Variants in CHST8 observed in about 807,000 individuals in gnomAD.
The protein encoded by CHST8 is carbohydrate sulfotransferase 8, also known as GALNAC-4-ST1.
In CHST8, 10 loss-of-function variants were observed where a neutral mutation model predicts 15.0. The observed-to-expected ratio is 0.67, with a 90% CI of 0.41 to 1.13. The LOEUF (loss-of-function observed/expected upper bound fraction) is 1.13. CHST8 is among the 50% of genes most tolerant of loss of function. The probability of loss-of-function intolerance (pLI) is 0.00; values close to 1 mark genes in which losing one functional copy is unlikely to be tolerated. For missense variants in CHST8, 634 were observed against 608.2 expected, an observed-to-expected ratio of 1.04 and a Z score of -0.45; for synonymous variants, 259 against 256.6, an observed-to-expected ratio of 1.01 and a Z score of -0.09.
At chr19:33,755,747 C>A (rs542820963) in intron 3 of CHST8, among the ~76,000 whole-genome samples, 1 of 152,202 alleles carries the variant, frequency 6.6e-6, no homozygotes, top group Non-Finnish European at 1.5e-5. Flanking sequence ...CTCTTCGTCC[C>A]GAGAGCAGCT....
At position 33,757,477 on chromosome 19, in the gene CHST8, AG is replaced by A. The variant is rs1974595259; in HGVS notation, c.131-13935del. On this transcript the variant is annotated intron_variant, in intron 3 of 4. Transcript: ENST00000650847. ...AAGAAAGAAAGAAAGAAAGAAAGAA[AG>A]AAAGAAAGAAAGAAAGAAAGAAAGA... Among the ~76,000 whole-genome samples, 2 of 49,214 alleles carry A rather than the reference AG, an allele frequency of 4.1e-5. 1 individual carries two copies. The highest frequency in any genetic ancestry group is 4.2e-4 in the Admixed American group (2 of 4,720). 32.3% of individuals were successfully genotyped at this position (49,214 alleles called of 152,430 possible). A position where few individuals can be genotyped will look rare whatever the true frequency, so the allele number is the denominator to read the frequency against.
At chr19:33,744,264 C>T (rs1400801634) in intron 3 of CHST8, 2 of 152,154 alleles carry the variant, frequency 1.3e-5, no homozygotes, top group Non-Finnish European at 2.9e-5. Flanking sequence ...GTGATTTAAC[C>T]GTAGTTATTG....
At chr19:33,768,316 T>C (rs1568363946) in intron 3 of CHST8, among the ~76,000 whole-genome samples, 1 of 152,198 alleles carries the variant, frequency 6.6e-6, no homozygotes, top group Non-Finnish European at 1.5e-5. Flanking sequence ...GGCTCGCACC[T>C]ATAATTCCAG....
intron 3 of CHST8, among the ~76,000 whole-genome samples, chr19:33,768,218 C>T (rs1364732956): frequency 6.6e-6 from 1 of 152,140 alleles, no homozygotes; most frequent in African/African-American, 2.4e-5. Flanking sequence ...AGTGGGGACA[C>T]TAGGTTCACG....
intron 1 of CHST8, among the ~76,000 whole-genome samples, chr19:33,657,419 C>A (rs960793624): frequency 6.6e-6 from 1 of 152,042 alleles, no homozygotes; most frequent in African/African-American, 2.4e-5. Context: ...CAGGCACACA[C>A]CACCACGCCT....
intron 2 of CHST8, among the ~76,000 whole-genome samples, chr19:33,683,529 C>T (rs1408406428): frequency 6.6e-6 from 1 of 152,180 alleles, no homozygotes; most frequent in African/African-American, 2.4e-5. Flanking sequence ...GATTGGGCTA[C>T]TCTTTGGACC....
At chr19:33,735,558 G>A (rs1974068734) in intron 3 of CHST8, among the ~76,000 whole-genome samples, 1 of 152,206 alleles carries the variant, frequency 6.6e-6, no homozygotes, top group South Asian at 2.1e-4. Flanking sequence ...CAGTCATGGT[G>A]GCTCACACCT....
rs1319927376 is a variant in CHST8 at position 33,672,182 on chromosome 19, ATTTCT to A, written c.-87+4348_-87+4352del. ...TGGAATCCTCTTCTCCATTGAAAGT[ATTTCT>A]TTTCTTTTTTTGTGTGTGTGTGTGG... is the stretch of plus-strand genomic sequence containing the variant. On this transcript the variant is annotated intron_variant, in intron 2 of 4. Coordinates refer to ENST00000650847, the MANE Select transcript of CHST8 (RefSeq NM_001127895.2). Among the ~76,000 whole-genome samples, 4 of 147,128 alleles carry A rather than the reference ATTTCT, an allele frequency of 2.7e-5. No individual in the cohort carries two copies. The East Asian group carries it at 7.7e-4, about 28-fold the overall frequency.
At chr19:33,653,109 A>G (rs73926571) in intron 1 of CHST8, among the ~76,000 whole-genome samples, 2,284 of 151,940 alleles carry the variant, frequency 0.015, 47 homozygotes, top group African/African-American at 0.052. Flanking sequence ...ATTGCATTCT[A>G]CTCTTTTTTG....
intron 1 of CHST8, among the ~76,000 whole-genome samples, chr19:33,657,794 C>T (rs1972531637): frequency 2.0e-5 from 3 of 152,182 alleles, no homozygotes; most frequent in Non-Finnish European, 2.9e-5. Context: ...TGGTCTCAAA[C>T]TCCTGGGCTC....
intron 2 of CHST8, among the ~76,000 whole-genome samples, chr19:33,688,891 T>C (rs1317095266): frequency 6.6e-6 from 1 of 151,712 alleles, no homozygotes; most frequent in East Asian, 1.9e-4. Context: ...GGCCTGGAGG[T>C]TCCCAACTGG....
chr19:33,739,136 GAA>G (rs1302337011), intron 3 of CHST8, among the ~76,000 whole-genome samples: 2 of 152,208 alleles, frequency 1.3e-5, no homozygotes, highest in African/African-American at 4.8e-5. Flanking sequence ...CACCTGCAGA[GAA>G]AGAGGAAAAT....
chr19:33,640,084 C>A (rs998630221), intron 1 of CHST8, among the ~76,000 whole-genome samples: 2 of 152,076 alleles, frequency 1.3e-5, no homozygotes, highest in East Asian at 3.9e-4. Flanking sequence ...CCTCGTGATC[C>A]GCCCACCTCG....
chr19:33,710,769 T>G (rs749701554), intron 3 of CHST8, among the ~76,000 whole-genome samples: 2 of 152,154 alleles, frequency 1.3e-5, no homozygotes, highest in African/African-American at 4.8e-5. Flanking sequence ...GGCAAGGTGA[T>G]GAAAGCAGCC....
intron 3 of CHST8, among the ~76,000 whole-genome samples, chr19:33,751,403 A>G (rs767213759): frequency 1.3e-5 from 2 of 152,250 alleles, no homozygotes; most frequent in Non-Finnish European, 2.9e-5. Flanking sequence ...TTGTGCTCAG[A>G]TATGCCTGTG....
intron 1 of CHST8, among the ~76,000 whole-genome samples, chr19:33,660,574 A>G (rs1184616382): frequency 6.6e-6 from 1 of 152,212 alleles, no homozygotes; most frequent in African/African-American, 2.4e-5. Flanking sequence ...GCCCATTAGC[A>G]TAAAACACAC....
chr19:33,754,653 C>A (rs1382355709), intron 3 of CHST8, among the ~76,000 whole-genome samples: 1 of 152,212 alleles, frequency 6.6e-6, no homozygotes, highest in Non-Finnish European at 1.5e-5. Context: ...AGTGTTTGCC[C>A]ACCTGCATGC....
At chr19:33,723,992 G>A (rs188204868) in intron 3 of CHST8, among the ~76,000 whole-genome samples, 21 of 152,308 alleles carry the variant, frequency 1.4e-4, no homozygotes, top group African/African-American at 4.8e-4. Context: ...TGGTTGTGAA[G>A]GGGGAGGTTA....
rs928361827 is a variant in CHST8 at position 33,764,995 on chromosome 19, C to T, written c.131-6418C>T. Among the ~76,000 whole-genome samples, 3 of 149,302 alleles carry T rather than the reference C, an allele frequency of 2.0e-5. No homozygotes were observed. The East Asian group carries it at 5.8e-4, about 29-fold the overall frequency. On this transcript the variant is annotated intron_variant, in intron 3 of 4. Transcript: ENST00000650847. ...CTTAGAAAAATAGTCTCCAGTCTCA[C>T]CCAGGTGGCTGCGAATGCCATTAAT...
Sources: gnomAD v4.1 joint callset for allele counts (sites outside exome capture counted in the v4.1 genomes callset) on GRCh38, gnomAD v4.1.1 for gene constraint, MANE v1.5 for transcripts, NCBI Gene and HGNC (gene_info 2026-07-23, HGNC 2026-07-21) for gene names.